LRRC9: variants seen among roughly 807,000 people sequenced by gnomAD.
LRRC9 encodes leucine-rich repeat-containing protein 9.
A neutral mutation model predicts 63.2 loss-of-function variants in LRRC9; 122 were observed. The observed-to-expected ratio is 1.93, with a 90% CI of 1.67 to 2.24. LRRC9 has a LOEUF of 2.24. Ranked by LOEUF, LRRC9 falls within the 30% of genes most tolerant of loss-of-function variation. The pLI is 0.00. For missense variants in LRRC9, 1,071 were observed against 627.7 expected (o/e 1.71, Z -7.55); for synonymous variants, 366 against 213.1 (o/e 1.72, Z -6.25).
chr14:59,978,715 T>C (rs1886588368), intron 15 of LRRC9, among the ~76,000 whole-genome samples: 1 of 152,220 alleles, frequency 6.6e-6, no homozygotes, highest in Non-Finnish European at 1.5e-5. Flanking sequence ...ATATTTATTA[T>C]TTAAAATAAT....
At chr14:60,000,097 G>A (rs1889209398) in intron 19 of LRRC9, among the ~76,000 whole-genome samples, 1 of 152,060 alleles carries the variant, frequency 6.6e-6, no homozygotes, top group Admixed American at 6.6e-5. Flanking sequence ...ATACACCATG[G>A]AATGCTACAC....
intron 23 of LRRC9, among the ~76,000 whole-genome samples, chr14:60,008,722 A>T (rs995100664): frequency 3.3e-5 from 5 of 152,218 alleles, no homozygotes; most frequent in Non-Finnish European, 7.3e-5. Flanking sequence ...TAACAAGCAA[A>T]TTCATAGGGC....
In LRRC9 at chr14:60,019,101, A is replaced by G. The variant is rs1287325245; in HGVS notation, c.3427-20A>G. On this transcript the variant is annotated intron_variant, in intron 25 of 31. Transcript: ENST00000445360. ...TAATAATTTCTAGGATTTCTGATTA[A>G]TAAGATATTCTTTCTGTAGGTCTTA... The G allele has an allele frequency of 1.5e-6, 1 of 652,724 alleles. No homozygotes were observed. Among genetic ancestry groups the G allele is most frequent in the Admixed American group, 2.5e-5 (1 of 40,060 alleles). 40.4% of individuals were successfully genotyped at this position (652,724 alleles called of 1,614,324 possible). A position where few individuals can be genotyped will look rare whatever the true frequency, so the allele number is the denominator to read the frequency against.
chr14:60,003,035 T>C lies in LRRC9; in HGVS notation c.2665-586T>C, dbSNP rs890952260. Among the ~76,000 whole-genome samples the C allele has an allele frequency of 6.6e-6, 1 of 152,164 alleles. No homozygotes were observed. The highest frequency in any genetic ancestry group is 2.4e-5 in the African/African-American group (1 of 41,442). Reference sequence around the variant, plus strand: ...GTGTCCTTATACCTCTTGCCAAACATAGAAACTGGGCTAAGTGAAGCTGCT... The same window carrying C: ...GTGTCCTTATACCTCTTGCCAAACACAGAAACTGGGCTAAGTGAAGCTGCT... On this transcript the variant is annotated intron_variant, in intron 20 of 31. Coordinates refer to ENST00000445360, the Ensembl canonical transcript of LRRC9. The surrounding 1 kb of genome is among the most constrained non-coding windows in gnomAD (Gnocchi z 4.2).
chr14:60,007,940 TAAAAAAAA>T (rs398043778), intron 22 of LRRC9, among the ~76,000 whole-genome samples, 144 bp from the exon 23 acceptor site: 2 of 126,934 alleles, frequency 1.6e-5, no homozygotes, highest in African/African-American at 6.0e-5. Context: ...ACCATGTCTT[TAAAAAAAA>T]AAAAAAAAAA....
chr14:60,004,760 C>T lies in LRRC9; in HGVS notation c.2842+962C>T, dbSNP rs1304868122. On this transcript the variant is annotated intron_variant, in intron 21 of 31. Coordinates refer to ENST00000445360, the Ensembl canonical transcript of LRRC9. This position sits in a 1 kb window ranked among gnomAD's most constrained non-coding sequence, Gnocchi z 4.8. ...GAAAGAAGCTTTCCATGACTTGCTA[C>T]CAACTTTCTCTTATTCTCCCTCTCC... 1.3e-5 allele frequency among the ~76,000 whole-genome samples: 2 copies of T among 152,034 alleles called. No individual in the cohort carries two copies. Among genetic ancestry groups the T allele is most frequent in the Non-Finnish European group, 2.9e-5 (2 of 67,944 alleles).
At chr14:59,994,684 A>T (rs1888547655) in intron 17 of LRRC9, among the ~76,000 whole-genome samples, 1 of 152,252 alleles carries the variant, frequency 6.6e-6, no homozygotes, top group Non-Finnish European at 1.5e-5. Flanking sequence ...TGTGGCCATA[A>T]AAAATGATGA....
intron 29 of LRRC9, among the ~76,000 whole-genome samples, chr14:60,036,513 G>A (rs951113607): frequency 1.3e-5 from 2 of 152,134 alleles, no homozygotes; most frequent in African/African-American, 4.8e-5. Flanking sequence ...GAAGATTACG[G>A]ACCAGTTAAT....
intron 29 of LRRC9, among the ~76,000 whole-genome samples, chr14:60,032,569 C>T (rs1892079378): frequency 6.6e-6 from 1 of 152,144 alleles, no homozygotes; most frequent in South Asian, 2.1e-4. Context: ...CATTTGCAAC[C>T]TTTCCTGTTG....
chr14:59,995,070 G>A (rs1298275399), intron 17 of LRRC9, among the ~76,000 whole-genome samples: 1 of 152,110 alleles, frequency 6.6e-6, no homozygotes, highest in African/African-American at 2.4e-5. Context: ...CCTTGCCTGT[G>A]TATCAGTGTA....
chr14:59,966,597 T>C lies in LRRC9; in HGVS notation c.1220T>C (p.Phe407Ser). The change falls in exon 11 of 32, where the codon TTC becomes TCC. Residue 407 changes from phenylalanine (F) to serine (S), a missense_variant. Physicochemically the swap from Phe to Ser is radical, Grantham distance 155. Transcript: ENST00000445360. The surrounding 1 kb of genome is among the most constrained non-coding windows in gnomAD (Gnocchi z 4.0). ...TATGTATTCCCACATAGGTTTAATT[T>C]CTGCTATGAATTAATTCTGTCACGT... 1 of 667,592 alleles carries C rather than the reference T, an allele frequency of 1.5e-6. No individual in the cohort carries two copies. 41.4% of individuals were successfully genotyped at this position (667,592 alleles called of 1,614,324 possible). A position where few individuals can be genotyped will look rare whatever the true frequency, so the allele number is the denominator to read the frequency against.
chr14:60,012,956 T>A lies in LRRC9; in HGVS notation c.3187-3704T>A, dbSNP rs372834190. Among the ~76,000 whole-genome samples the A allele has an allele frequency of 3.8e-4, 54 of 142,078 alleles. 1 individual carries two copies. Among genetic ancestry groups the A allele is most frequent in the African/African-American group, 8.8e-4 (35 of 39,964 alleles). 93.2% of individuals were successfully genotyped at this position (142,078 alleles called of 152,430 possible). ...TACAATTTTATTTATTTATTTATTT[T>A]TTTAATTTTATTATTATTATACTTT... is the stretch of plus-strand genomic sequence containing the variant. On this transcript the variant is annotated intron_variant, in intron 23 of 31. Coordinates refer to ENST00000445360, the Ensembl canonical transcript of LRRC9.
intron 12 of LRRC9, among the ~76,000 whole-genome samples, chr14:59,970,367 G>A (rs1019986610): frequency 1.3e-5 from 2 of 152,066 alleles, no homozygotes; most frequent in African/African-American, 4.8e-5. Context: ...TGTCTTTGCT[G>A]TTGTGAATAG....
chr14:60,052,434 TC>T (rs1187995721), intron 29 of LRRC9, among the ~76,000 whole-genome samples: 2 of 152,198 alleles, frequency 1.3e-5, no homozygotes, highest in Non-Finnish European at 2.9e-5. Context: ...GGCACACTCT[TC>T]CTATCATGTA....
chr14:59,949,259 T>C (rs1367291128), intron 8 of LRRC9, among the ~76,000 whole-genome samples: 1 of 152,230 alleles, frequency 6.6e-6, no homozygotes, highest in Non-Finnish European at 1.5e-5. Flanking sequence ...TGTCGAGGAA[T>C]TTATCCATTT....
intron 19 of LRRC9, among the ~76,000 whole-genome samples, chr14:60,001,691 GT>G (rs2140208183): frequency 6.6e-6 from 1 of 152,086 alleles, no homozygotes; most frequent in African/African-American, 2.4e-5. Flanking sequence ...TCTTAAACTG[GT>G]TTCATGGGTG....
At chr14:59,937,441 G>A (rs1447867359) in intron 6 of LRRC9, among the ~76,000 whole-genome samples, 1 of 152,092 alleles carries the variant, frequency 6.6e-6, no homozygotes, top group African/African-American at 2.4e-5. Flanking sequence ...GAGCTCATAG[G>A]AGGAACATCT....
At chr14:59,970,189 C>G (rs1437349234) in intron 12 of LRRC9, among the ~76,000 whole-genome samples, 1 of 150,506 alleles carries the variant, frequency 6.6e-6, no homozygotes, top group Non-Finnish European at 1.5e-5. Flanking sequence ...CATTTAGCTC[C>G]CACTTATTAG....
At chr14:59,946,502 GTC>G (rs1263681801) in intron 8 of LRRC9, among the ~76,000 whole-genome samples, 6 of 145,010 alleles carry the variant, frequency 4.1e-5, no homozygotes, top group Non-Finnish European at 9.1e-5. Context: ...CTTTTTTTTT[GTC>G]TTTTTTTTTT....
Sources: gnomAD v4.1 joint callset for allele counts (sites outside exome capture counted in the v4.1 genomes callset) on GRCh38, gnomAD v4.1.1 for gene constraint, Gnocchi (gnomAD v3.1) non-coding constraint, MANE v1.5 for transcripts, NCBI Gene and HGNC (gene_info 2026-07-23, HGNC 2026-07-21) for gene names.